The following SCOC variants were observed in gnomAD, a reference collection of about 807,000 sequenced individuals.
SCOC encodes the protein short coiled-coil protein.
SCOC carries 7 observed loss-of-function variants against 9.9 expected under a neutral mutation model. The ratio of observed to expected loss-of-function variants is 0.71; its 90% CI spans 0.40 to 1.33. SCOC has a LOEUF of 1.33. Ranked by LOEUF, SCOC falls within the 40% of genes most tolerant of loss-of-function variation. The pLI, the probability that SCOC is intolerant of heterozygous loss-of-function variation, is 0.01. For synonymous variants in SCOC, 19 were observed against 28.2 expected (o/e 0.67, Z 1.03); for missense variants, 66 against 89.7 (o/e 0.74, Z 1.07).
intron 1 of SCOC, among the ~76,000 whole-genome samples, chr4:140,331,363 A>C (rs1732811663): frequency 6.6e-6 from 1 of 152,076 alleles, no homozygotes; most frequent in Non-Finnish European, 1.5e-5. Flanking sequence ...CATAGTTCCC[A>C]AGTGGCCTTT....
intron 1 of SCOC, among the ~76,000 whole-genome samples, chr4:140,260,545 T>C (rs182378940): frequency 6.6e-6 from 1 of 152,306 alleles, no homozygotes; most frequent in African/African-American, 2.4e-5. Context: ...ATTCCTCAGG[T>C]ATTTTGGGCA....
upstream of SCOC, among the ~76,000 whole-genome samples, chr4:140,369,626 T>C (rs1727954238): frequency 6.6e-6 from 1 of 152,148 alleles, no homozygotes; most frequent in Admixed American, 6.5e-5. Flanking sequence ...CTCTATTTCA[T>C]TATTTATCAT....
chr4:140,356,328 C>T (rs866128392), intron 2 of SCOC, among the ~76,000 whole-genome samples: 5 of 152,164 alleles, frequency 3.3e-5, no homozygotes, highest in Admixed American at 6.5e-5. Flanking sequence ...TTCTTACAAA[C>T]GAAGACTTTC....
At chr4:140,334,731 T>C (rs1732911404) in intron 1 of SCOC, among the ~76,000 whole-genome samples, 1 of 152,138 alleles carries the variant, frequency 6.6e-6, no homozygotes. Flanking sequence ...ACCTATGGAA[T>C]AGCAATTCCC....
chr4:140,340,311 G>T (rs1020125884), upstream of SCOC, among the ~76,000 whole-genome samples: 1 of 151,862 alleles, frequency 6.6e-6, no homozygotes, highest in Admixed American at 6.6e-5. Flanking sequence ...GGGGTGGGGG[G>T]ATGGGGGAGG....
At chr4:140,277,543 A>G (rs1044418370) in intron 1 of SCOC, among the ~76,000 whole-genome samples, 6 of 152,200 alleles carry the variant, frequency 3.9e-5, no homozygotes, top group Non-Finnish European at 8.8e-5. Context: ...ATCAAGGAGT[A>G]ACTTATCTTT....
chr4:140,317,411 CA>C, intron 1 of SCOC, among the ~76,000 whole-genome samples: 1 of 152,260 alleles, frequency 6.6e-6, no homozygotes, highest in South Asian at 2.1e-4. Context: ...TATGGAAAAG[CA>C]TTGTGAAAAT....
At chr4:140,355,141 G>C (rs1483462267) in intron 2 of SCOC, among the ~76,000 whole-genome samples, 2 of 149,988 alleles carry the variant, frequency 1.3e-5, no homozygotes, top group Non-Finnish European at 3.0e-5. Context: ...AGCTGCCAGC[G>C]AATATAAAGC....
At chr4:140,306,134 G>T (rs1731974828) in intron 1 of SCOC, among the ~76,000 whole-genome samples, 1 of 152,172 alleles carries the variant, frequency 6.6e-6, no homozygotes, top group Non-Finnish European at 1.5e-5. Flanking sequence ...ACATGGCTGG[G>T]GAGGTCTCAC....
intron 2 of SCOC, chr4:140,366,187 T>C (rs200500517): frequency 6.3e-3 from 27 of 4,276 alleles, no homozygotes; most frequent in African/African-American, 7.7e-3. Flanking sequence ...TTCTTTCTTT[T>C]TTTTTTTTTT....
At chr4:140,314,864 C>G (rs566405610) in intron 1 of SCOC, among the ~76,000 whole-genome samples, 5 of 151,004 alleles carry the variant, frequency 3.3e-5, no homozygotes, top group East Asian at 2.0e-4. Context: ...ACTCCACCCC[C>G]CCACCAAGTT....
chr4:140,370,473 C>T (rs1728003657), upstream of SCOC, among the ~76,000 whole-genome samples: 1 of 152,114 alleles, frequency 6.6e-6, no homozygotes, highest in African/African-American at 2.4e-5. Context: ...AATACTAATG[C>T]CTGTATCTCA....
At chr4:140,313,829 C>T (rs2126471230) in intron 1 of SCOC, among the ~76,000 whole-genome samples, 1 of 151,826 alleles carries the variant, frequency 6.6e-6, no homozygotes, top group East Asian at 1.9e-4. Flanking sequence ...TTTATTTAAG[C>T]AAGAATACAT....
rs905116145 is a variant in SCOC at position 140,337,847 on chromosome 4, A to G, written c.-18-5774A>G. Among the ~76,000 whole-genome samples, 13 of 152,308 alleles carry G rather than the reference A, an allele frequency of 8.5e-5. No individual in the cohort carries two copies. The South Asian group carries it at 2.5e-3, about 29-fold the overall frequency. The stretch of plus-strand genomic sequence containing the variant: ...AAAAAGTCCGGGACCAGACGGATTC[A>G]CAGCTGAATTCTACCAGAGGTACAA... On this transcript the variant is annotated intron_variant, in intron 1 of 4. Coordinates refer to the SCOC transcript ENST00000394205.
intron 1 of SCOC, chr4:140,373,965 C>T (rs1283604252): frequency 1.6e-5 from 11 of 668,096 alleles, no homozygotes; most frequent in Non-Finnish European, 3.0e-5. Context: ...AGAGGGACCT[C>T]TCGCGGTCCC....
intron 2 of SCOC, 148 bp from the exon 3 acceptor site, chr4:140,379,421 C>A (rs1728477125): frequency 4.3e-6 from 3 of 695,972 alleles, no homozygotes; most frequent in Non-Finnish European, 7.5e-6. Flanking sequence ...GTATTATCTG[C>A]AATTTGGGGA....
chr4:140,326,090 T>C (rs577100594), intron 1 of SCOC, among the ~76,000 whole-genome samples: 2 of 152,330 alleles, frequency 1.3e-5, no homozygotes, highest in East Asian at 1.9e-4. Context: ...CTACATATTA[T>C]ATGATTTCAT....
At chr4:140,363,974 T>C (rs1727679945) in intron 2 of SCOC, among the ~76,000 whole-genome samples, 1 of 152,206 alleles carries the variant, frequency 6.6e-6, no homozygotes, top group South Asian at 2.1e-4. Flanking sequence ...TTGATATGTA[T>C]TGCAGATTGA....
intron 1 of SCOC, among the ~76,000 whole-genome samples, chr4:140,304,739 G>C (rs1240093483): frequency 6.6e-6 from 1 of 152,116 alleles, no homozygotes; most frequent in East Asian, 1.9e-4. Flanking sequence ...ATAATATTAG[G>C]GGCATTTTGG....
Sources: gnomAD v4.1 joint callset for allele counts (sites outside exome capture counted in the v4.1 genomes callset) on GRCh38, gnomAD v4.1.1 for gene constraint, MANE v1.5 for transcripts, NCBI Gene and HGNC (gene_info 2026-07-23, HGNC 2026-07-21) for gene names.